Variants in TTC28 observed in about 807,000 individuals in gnomAD.
TTC28 encodes the protein tetratricopeptide repeat domain 28, also known as tetratricopeptide repeat protein 28.
In TTC28, 61 loss-of-function variants were observed where a neutral mutation model predicts 198.0. The observed-to-expected ratio is 0.31, with a 90% CI of 0.25 to 0.38. TTC28 has a LOEUF of 0.38. TTC28 is among the 10% of genes least tolerant of loss of function. TTC28 has a pLI of 1.00. For synonymous variants in TTC28, 1,171 were observed against 1,297.8 expected (o/e 0.90, Z 2.10); for missense variants, 2,678 against 3,164.0 (o/e 0.85, Z 3.69).
At chr22:28,365,885 T>A (rs934511831) in intron 2 of TTC28, among the ~76,000 whole-genome samples, 3 of 152,116 alleles carry the variant, frequency 2.0e-5, no homozygotes, top group Non-Finnish European at 2.9e-5. Context: ...ATAGGAATTT[T>A]AAAAAAATGA....
chr22:28,138,819 G>C (rs542071445), intron 6 of TTC28, among the ~76,000 whole-genome samples: 2 of 152,164 alleles, frequency 1.3e-5, no homozygotes, highest in African/African-American at 4.8e-5. Context: ...AAGATCTGAG[G>C]TGGCTTCTAT....
intron 5 of TTC28, among the ~76,000 whole-genome samples, chr22:28,181,010 T>C (rs1923641068): frequency 6.6e-6 from 1 of 152,226 alleles, no homozygotes. Flanking sequence ...TAAATTCTTT[T>C]CTACCTTAAT....
At chr22:28,639,466 T>C (rs1372589797) in intron 1 of TTC28, among the ~76,000 whole-genome samples, 1 of 152,162 alleles carries the variant, frequency 6.6e-6, no homozygotes, top group Non-Finnish European at 1.5e-5. Flanking sequence ...CATATGTTAG[T>C]TGTGTACTGA....
chr22:28,393,022 G>A (rs1282297466), intron 2 of TTC28, among the ~76,000 whole-genome samples: 1 of 151,936 alleles, frequency 6.6e-6, no homozygotes, highest in African/African-American at 2.4e-5. Flanking sequence ...GACCATAGGT[G>A]CAAACCACTA....
chr22:28,218,573 A>G (rs766965067), intron 5 of TTC28, among the ~76,000 whole-genome samples: 8 of 152,150 alleles, frequency 5.3e-5, no homozygotes, highest in Non-Finnish European at 8.8e-5. Flanking sequence ...TTCACATAAA[A>G]AAAAAAGTTC....
At chr22:27,993,213 G>A (rs1027229316) in intron 18 of TTC28, 74 bp downstream of exon 18, 64 of 1,328,724 alleles carry the variant, frequency 4.8e-5, no homozygotes, top group African/African-American at 7.4e-5. Flanking sequence ...TCATGAATGC[G>A]GGGCCCAAGG....
chr22:28,179,122 A>C (rs566765378), intron 5 of TTC28, among the ~76,000 whole-genome samples: 1 of 152,022 alleles, frequency 6.6e-6, no homozygotes, highest in Admixed American at 6.5e-5. Flanking sequence ...AATTGGGTCT[A>C]TTTTAAGCAC....
rs1414231499 is a variant in TTC28, at chr22:28,524,635, A to T, written c.381+104917T>A. Among the ~76,000 whole-genome samples, 3 of 152,094 alleles carry T rather than the reference A, an allele frequency of 2.0e-5. No homozygotes were observed. In the East Asian group the frequency reaches 5.8e-4, roughly 29 times the overall value. On this transcript the variant is annotated intron_variant, in intron 2 of 22. Transcript: ENST00000397906. The stretch of plus-strand genomic sequence containing the variant: ...TACCAAAAATACAAAAAAAGTATTT[A>T]AAAAAATTAATGGTATCAAACAAAT...
intron 2 of TTC28, among the ~76,000 whole-genome samples, chr22:28,318,812 CTTTTTTTTT>C (rs71316836): frequency 1.6e-5 from 1 of 61,334 alleles, no homozygotes; most frequent in South Asian, 1.0e-3. Context: ...GAAGTGTATT[CTTTTTTTTT>C]TTTTTTTTTT....
intron 1 of TTC28, among the ~76,000 whole-genome samples, chr22:28,673,096 C>T (rs1372452125): frequency 6.6e-6 from 1 of 152,110 alleles, no homozygotes; most frequent in Non-Finnish European, 1.5e-5. Flanking sequence ...GAAGTTGGGC[C>T]GGGAGCGGTG....
At chr22:27,994,416 G>A (rs79469360) in intron 17 of TTC28, 4,749 of 152,170 alleles carry the variant, frequency 0.031, 93 homozygotes, top group Middle Eastern at 0.045. Flanking sequence ...TGCCCTCACC[G>A]GAGGGGCATG....
At chr22:28,161,411 C>T (rs920434286) in intron 6 of TTC28, among the ~76,000 whole-genome samples, 3 of 152,058 alleles carry the variant, frequency 2.0e-5, no homozygotes, top group Non-Finnish European at 4.4e-5. Flanking sequence ...GTGGCTGATG[C>T]CCACCATGGG....
At chr22:28,399,015 C>CTTT (rs77161387) in intron 2 of TTC28, among the ~76,000 whole-genome samples, 6 of 135,214 alleles carry the variant, frequency 4.4e-5, no homozygotes, top group African/African-American at 1.6e-4. Flanking sequence ...GTTATTTTGC[C>CTTT]TTTTTTTTTT....
chr22:28,394,150 G>C (rs1275083172), intron 2 of TTC28, among the ~76,000 whole-genome samples: 1 of 152,144 alleles, frequency 6.6e-6, no homozygotes, highest in Admixed American at 6.5e-5. Flanking sequence ...TGAGCTGCCT[G>C]CCTGGGCTGT....
chr22:28,520,693 G>C (rs549538860), intron 2 of TTC28, among the ~76,000 whole-genome samples: 107 of 152,252 alleles, frequency 7.0e-4, no homozygotes, highest in African/African-American at 2.4e-3. Context: ...AGTAGTTCAA[G>C]GCTGCAGTGA....
chr22:28,282,129 C>A (rs925860852), intron 5 of TTC28, among the ~76,000 whole-genome samples: 6 of 152,176 alleles, frequency 3.9e-5, no homozygotes, highest in Admixed American at 1.3e-4. Context: ...TAATTCTCTT[C>A]CAGTTTCTGC....
chr22:28,577,700 CTTTA>C (rs1275776759), intron 2 of TTC28, among the ~76,000 whole-genome samples: 1 of 152,084 alleles, frequency 6.6e-6, no homozygotes, highest in Non-Finnish European at 1.5e-5. Context: ...GAACTGACCT[CTTTA>C]TTATTAAATA....
chr22:27,989,614 T>C (rs185701681), intron 21 of TTC28, among the ~76,000 whole-genome samples: 1 of 152,050 alleles, frequency 6.6e-6, no homozygotes, highest in Admixed American at 6.5e-5. Context: ...GCCCGGCTAA[T>C]TTTTTTTAAT....
intron 2 of TTC28, among the ~76,000 whole-genome samples, chr22:28,601,777 G>GACACACACACACACACACAC (rs34208241): frequency 4.2e-5 from 6 of 141,484 alleles, no homozygotes; most frequent in Admixed American, 7.2e-5. Flanking sequence ...GTAAACCCTA[G>GACACACACACACACACACAC]ACACACACAC....
Sources: allele counts gnomAD v4.1 joint callset (sites outside exome capture counted in the v4.1 genomes callset), GRCh38; gene constraint gnomAD v4.1.1; transcripts MANE v1.5; gene names NCBI Gene and HGNC (gene_info 2026-07-23, HGNC 2026-07-21).